Variants in FREM1 observed in about 807,000 individuals in gnomAD.
FREM1 encodes the protein FRAS1-related extracellular matrix protein 1.
In FREM1, 220 loss-of-function variants were observed where a neutral mutation model predicts 210.1. The ratio of observed to expected loss-of-function variants is 1.05; its 90% confidence interval spans 0.94 to 1.17. The LOEUF is 1.17. FREM1 is among the 50% of genes most tolerant of loss of function. FREM1 has a pLI of 0.00. For missense variants in FREM1, 3,454 were observed against 2,675.5 expected, an observed-to-expected ratio of 1.29 and a Z score of -6.42; for synonymous variants, 1,189 against 980.2, an observed-to-expected ratio of 1.21 and a Z score of -3.98.
chr9:14,825,488 CAAAAAAA>C (rs137921355), intron 10 of FREM1, among the ~76,000 whole-genome samples: 2 of 68,916 alleles, frequency 2.9e-5, no homozygotes, highest in East Asian at 4.5e-4. Flanking sequence ...GACTCCATTT[CAAAAAAA>C]AAAAAAAAAA....
chr9:14,908,496 C>T (rs1272372705), intron 1 of FREM1, among the ~76,000 whole-genome samples: 1 of 152,066 alleles, frequency 6.6e-6, no homozygotes, highest in Non-Finnish European at 1.5e-5. Flanking sequence ...GGTCCCTTTG[C>T]CCAACTCCTT....
intron 1 of FREM1, among the ~76,000 whole-genome samples, chr9:14,884,559 GA>G (rs1835426678): frequency 6.6e-6 from 1 of 152,238 alleles, no homozygotes; most frequent in South Asian, 2.1e-4. Context: ...TTGAACAGAA[GA>G]AAATAATTTA....
At chr9:14,766,786 T>C (rs1444913848) in intron 27 of FREM1, among the ~76,000 whole-genome samples, 1 of 152,194 alleles carries the variant, frequency 6.6e-6, no homozygotes, top group East Asian at 1.9e-4. Context: ...AATCTATTAA[T>C]CCTGTCTAAG....
intron 27 of FREM1, 59 bp downstream of exon 27, chr9:14,769,665 A>G (rs1847164365): frequency 6.6e-7 from 1 of 1,516,694 alleles, no homozygotes; most frequent in African/African-American, 1.4e-5. Context: ...CACTTTCCTA[A>G]TATTCAGATA....
At chr9:14,853,250 T>C (rs949236134) in intron 5 of FREM1, among the ~76,000 whole-genome samples, 74 of 152,352 alleles carry the variant, frequency 4.9e-4, no homozygotes, top group African/African-American at 1.7e-3. Context: ...TGTTCTTGTT[T>C]GTGGCAACAA....
rs551527323 is a variant in FREM1, at chr9:14,801,360, T to G, written c.3694+292A>C. On this transcript the variant is annotated intron_variant, in intron 20 of 36. Transcript: ENST00000380880. ...GCATTACTTCTCATACTCATTTTTT[T>G]GATTGGTGAGAACTCTTAAAATCTA... Among the ~76,000 whole-genome samples the G allele has an allele frequency of 7.9e-5, 12 of 152,354 alleles. No individual in the cohort carries two copies. The South Asian group carries it at 2.5e-3, about 32-fold the overall frequency.
At chr9:14,809,243 C>T (rs988649529) in intron 16 of FREM1, among the ~76,000 whole-genome samples, 2 of 152,136 alleles carry the variant, frequency 1.3e-5, no homozygotes, top group African/African-American at 4.8e-5. Context: ...ATGAGGCTTC[C>T]CAGCCACATG....
intron 30 of FREM1, among the ~76,000 whole-genome samples, chr9:14,749,833 T>A (rs911968373): frequency 1.2e-4 from 18 of 152,272 alleles, no homozygotes; most frequent in Non-Finnish European, 2.5e-4. Context: ...GGGAAAATAA[T>A]TGTCGACAGA....
chr9:14,809,136 A>G (rs1283147019), intron 16 of FREM1, among the ~76,000 whole-genome samples: 5 of 152,106 alleles, frequency 3.3e-5, no homozygotes, highest in Non-Finnish European at 5.9e-5. Flanking sequence ...ATGAGATCCA[A>G]TGGTTTTAAA....
At chr9:14,834,846 T>C (rs2131045598) in intron 10 of FREM1, among the ~76,000 whole-genome samples, 1 of 152,294 alleles carries the variant, frequency 6.6e-6, no homozygotes, top group Non-Finnish European at 1.5e-5. Flanking sequence ...TAATTAAGGG[T>C]AAAGTTATTG....
chr9:14,784,458 T>A lies in FREM1; in HGVS notation c.4354A>T (p.Ile1452Phe), dbSNP rs1002942157. The change falls in exon 24 of 37, where the codon ATT becomes TTT. Residue 1452 changes from isoleucine to phenylalanine, a missense_variant. By Grantham distance (21) the Ile-to-Phe change is conservative. Transcript: ENST00000380880. ...ACATCCATTTGGCTGAAGTTTGTAA[T>A]GGGAACTCCAGGATAGTGAACATAT... ...IEYVHYPGVPITNFSQMDVVG... is the reference protein window; with the variant it reads ...IEYVHYPGVPFTNFSQMDVVG... 1 of 1,613,772 alleles carries A rather than the reference T, an allele frequency of 6.2e-7. No homozygotes were observed. The highest frequency in any genetic ancestry group is 8.5e-7 in the Non-Finnish European group (1 of 1,179,860).
intron 1 of FREM1, among the ~76,000 whole-genome samples, chr9:14,906,314 C>G (rs942825291): frequency 1.3e-5 from 2 of 152,180 alleles, no homozygotes; most frequent in Non-Finnish European, 2.9e-5. Flanking sequence ...CTGCACCTCT[C>G]TGATTTAACA....
chr9:14,753,758 T>G (rs1032548973), intron 29 of FREM1, among the ~76,000 whole-genome samples: 1 of 152,246 alleles, frequency 6.6e-6, no homozygotes, highest in Non-Finnish European at 1.5e-5. Flanking sequence ...AAATATTTAC[T>G]GGACCTGTGG....
At position 14,824,786 on chromosome 9, in the gene FREM1, T is replaced by C; in HGVS notation, c.2078+10A>G. 6.2e-7 allele frequency: 1 copy of C among 1,602,216 alleles called. No homozygotes were observed. Among genetic ancestry groups the C allele is most frequent in the South Asian group, 1.1e-5 (1 of 89,292 alleles). On this transcript the variant is annotated intron_variant, in intron 11 of 36. Coordinates refer to ENST00000380880, the MANE Select transcript of FREM1 (RefSeq NM_001379081.2). ...AGAACTAGTAGCCCAAATGGTGACT[T>C]TTCAGATACCTGTGGCTGAAGGAGA...
In FREM1 at chr9:14,868,832, A is replaced by G; in HGVS notation, c.146T>C (p.Phe49Ser). The change falls in exon 2 of 37, where the codon TTT becomes TCT. Residue 49 changes from phenylalanine (F) to serine (S), a missense_variant. Phe to Ser is a radical substitution (Grantham distance 155). Coordinates refer to ENST00000380880, the MANE Select transcript of FREM1 (RefSeq NM_001379081.2). ...GGCATCTTTCTCTTTAGGGATGGCA[A>G]ACTTCAGGTCATCTCCTGACAGGAA... is the stretch of plus-strand genomic sequence containing the variant. ...SAFLSGDDLK[F>S]AIPKEKDACK... is the part of the protein sequence containing the mutation. 6.2e-7 allele frequency: 1 copy of G among 1,612,432 alleles called. No homozygotes were observed. Among genetic ancestry groups the G allele is most frequent in the Non-Finnish European group, 8.5e-7 (1 of 1,179,234 alleles).
chr9:14,879,177 C>T (rs1158952388), intron 1 of FREM1, among the ~76,000 whole-genome samples: 1 of 140,766 alleles, frequency 7.1e-6, no homozygotes, highest in Non-Finnish European at 1.5e-5. Context: ...AAAAAAAGAA[C>T]TGGCATCATA....
At chr9:14,765,749 T>TGAG (rs1453948295) in intron 27 of FREM1, among the ~76,000 whole-genome samples, 2 of 152,170 alleles carry the variant, frequency 1.3e-5, no homozygotes, top group Non-Finnish European at 1.5e-5. Context: ...AGTTAGAATG[T>TGAG]GAGTTGCCAG....
intron 36 of FREM1, among the ~76,000 whole-genome samples, chr9:14,738,664 G>C (rs915625677): frequency 6.6e-6 from 1 of 152,102 alleles, no homozygotes; most frequent in Non-Finnish European, 1.5e-5. Context: ...GAAGTAGTGG[G>C]GATACTGACT....
Position 14,884,602 on chromosome 9 carries a change from T to C in FREM1, c.-267-15358A>G, listed in dbSNP as rs144949076. Among the ~76,000 whole-genome samples, 1,498 of 152,314 alleles carry C rather than the reference T, an allele frequency of 9.8e-3. 23 individuals carry two copies. Among genetic ancestry groups the C allele is most frequent in the African/African-American group, 0.033 (1,372 of 41,562 alleles). On this transcript the variant is annotated intron_variant, in intron 1 of 36. Coordinates refer to ENST00000380880, the MANE Select transcript of FREM1 (RefSeq NM_001379081.2). ...TAATTGGTGGAGGGGAAATGTGAGC[T>C]AGTATTTATTTCATAATTACACATT...
Sources: allele counts gnomAD v4.1 joint callset (sites outside exome capture counted in the v4.1 genomes callset), GRCh38; gene constraint gnomAD v4.1.1; transcripts MANE v1.5; gene names NCBI Gene and HGNC (gene_info 2026-07-23, HGNC 2026-07-21).